TMEM9B: variants seen among roughly 807,000 people sequenced by gnomAD.
The protein encoded by TMEM9B is transmembrane protein 9B.
In TMEM9B, 8 loss-of-function variants were observed where a neutral mutation model predicts 23.5. That is an observed-to-expected ratio of 0.34 (90% CI 0.20 to 0.61). TMEM9B has a LOEUF of 0.61. TMEM9B is among the 20% of genes least tolerant of loss of function. The pLI is 0.78. For synonymous variants in TMEM9B, 106 were observed against 96.3 expected, an observed-to-expected ratio of 1.10 and a Z score of -0.59; for missense variants, 197 against 252.3, an observed-to-expected ratio of 0.78 and a Z score of 1.49.
intron 1 of TMEM9B, 103 bp downstream of exon 1, chr11:8,964,106 G>A (rs1329763118): frequency 8.6e-7 from 1 of 1,166,724 alleles, no homozygotes; most frequent in Non-Finnish European, 1.2e-6. Flanking sequence ...CCAGGCGTAT[G>A]GCTGTCAGGA....
chr11:8,962,058 A>T (rs1257919136), intron 2 of TMEM9B, 34 bp downstream of exon 2: 1 of 1,342,996 alleles, frequency 7.4e-7, no homozygotes, highest in Non-Finnish European at 1.0e-6. Context: ...ACAGAAACAA[A>T]TGTGACAGGT....
chr11:8,956,146 T>TAGAC (rs772003556), intron 3 of TMEM9B, 44 bp downstream of exon 3: 15 of 1,573,414 alleles, frequency 9.5e-6, no homozygotes, highest in Non-Finnish European at 1.1e-5. Flanking sequence ...AGAAAAGACG[T>TAGAC]AGACAGACAG....
At chr11:8,956,147 A>T in intron 3 of TMEM9B, 43 bp downstream of exon 3, 1 of 1,561,400 alleles carries the variant, frequency 6.4e-7, no homozygotes, top group East Asian at 2.2e-5. Flanking sequence ...GAAAAGACGT[A>T]GACAGACAGA....
intron 3 of TMEM9B, among the ~76,000 whole-genome samples, chr11:8,954,393 A>T (rs1373721486): frequency 1.3e-5 from 2 of 151,888 alleles, no homozygotes; most frequent in East Asian, 3.9e-4. Flanking sequence ...GGATCAAGTG[A>T]TTCTCATGCC....
At position 8,948,232 on chromosome 11, in the gene TMEM9B, G is replaced by C. The variant is rs1202712456; in HGVS notation, c.*88C>G. 2 of 1,449,946 alleles carry C rather than the reference G, an allele frequency of 1.4e-6. No individual in the cohort carries two copies. The highest frequency in any genetic ancestry group is 1.9e-6 in the Non-Finnish European group (2 of 1,078,270). 89.8% of individuals were successfully genotyped at this position (1,449,946 alleles called of 1,614,324 possible). A position where few individuals can be genotyped will look rare whatever the true frequency, so the allele number is the denominator to read the frequency against. On this transcript the variant is annotated 3_prime_UTR_variant, in exon 5 of 5. Transcript: ENST00000534025. ...CAGCAACAGTTGGTGAAATCAACAA[G>C]GTATTAAAATGAAACCCAGCAAAAC... is the stretch of plus-strand genomic sequence containing the variant.
At chr11:8,958,159 CAAAA>C (rs33947563) in intron 2 of TMEM9B, among the ~76,000 whole-genome samples, 35 of 57,348 alleles carry the variant, frequency 6.1e-4, no homozygotes, top group East Asian at 1.1e-3. Context: ...AACTCCGTCT[CAAAA>C]AAAAAAAAAA....
At chr11:8,964,072 C>CG (rs1379005591) in intron 1 of TMEM9B, 137 bp downstream of exon 1, 1 of 838,462 alleles carries the variant, frequency 1.2e-6, no homozygotes, top group Non-Finnish European at 1.8e-6. Context: ...CTGGTGGCGG[C>CG]GGGGGTCTGC....
intron 3 of TMEM9B, among the ~76,000 whole-genome samples, chr11:8,955,472 G>C (rs1425749044): frequency 6.6e-6 from 1 of 152,054 alleles, no homozygotes; most frequent in Admixed American, 6.6e-5. Flanking sequence ...CCCTGAGCTT[G>C]TTTTCCTGCA....
chr11:8,952,281 C>CA (rs1555228012), intron 4 of TMEM9B, among the ~76,000 whole-genome samples: 5,531 of 147,490 alleles, frequency 0.038, 188 homozygotes, highest in Admixed American at 0.073. Flanking sequence ...CACACACACG[C>CA]TATATATATA....
upstream of TMEM9B, chr11:8,964,453 G>A: frequency 2.1e-6 from 3 of 1,422,542 alleles, no homozygotes; most frequent in Non-Finnish European, 2.7e-6. Context: ...GGACGCGAAG[G>A]CGTCACCGGG....
At chr11:8,951,180 T>C (rs1312287948) in intron 4 of TMEM9B, among the ~76,000 whole-genome samples, 1 of 152,228 alleles carries the variant, frequency 6.6e-6, no homozygotes, top group African/African-American at 2.4e-5. Flanking sequence ...TTATGTTTTG[T>C]GTTATTATAT....
At chr11:8,952,153 T>G (rs537802933) in intron 4 of TMEM9B, among the ~76,000 whole-genome samples, 6 of 151,810 alleles carry the variant, frequency 4.0e-5, no homozygotes, top group Non-Finnish European at 7.4e-5. Context: ...AAAAACAGAT[T>G]TGTGGACTAA....
intron 4 of TMEM9B, among the ~76,000 whole-genome samples, chr11:8,951,619 G>A (rs1256358425): frequency 2.6e-5 from 4 of 151,468 alleles, no homozygotes; most frequent in Admixed American, 6.6e-5. Context: ...TTAGCCGGGC[G>A]CGATGGCGGG....
At chr11:8,961,834 G>A (rs1194740596) in intron 2 of TMEM9B, among the ~76,000 whole-genome samples, 1 of 152,172 alleles carries the variant, frequency 6.6e-6, no homozygotes, top group Middle Eastern at 3.2e-3. Context: ...GGGTAGTTTA[G>A]GTGCCACAAA....
At chr11:8,959,738 G>GA (rs1356201780) in intron 2 of TMEM9B, among the ~76,000 whole-genome samples, 1 of 152,072 alleles carries the variant, frequency 6.6e-6, no homozygotes, top group Non-Finnish European at 1.5e-5. Context: ...ACCACTTAAG[G>GA]AACTAGGCAA....
intron 2 of TMEM9B, among the ~76,000 whole-genome samples, chr11:8,958,146 C>A (rs1487935285): frequency 3.5e-5 from 3 of 86,652 alleles, no homozygotes; most frequent in African/African-American, 1.5e-4. Context: ...GCAATGACAG[C>A]GAAACTCCGT....
At position 8,959,366 on chromosome 11, in the gene TMEM9B, A is replaced by C. The variant is rs145837777; in HGVS notation, c.197+2726T>G. On this transcript the variant is annotated intron_variant, in intron 2 of 4. Coordinates refer to ENST00000534025, the MANE Select transcript of TMEM9B (RefSeq NM_020644.3). The stretch of plus-strand genomic sequence containing the variant: ...GGCTGGAGGACCACTGGAGCCTAGG[A>C]GATCAAGGCTGCAATGAGCTATGAT... Among the ~76,000 whole-genome samples the C allele has an allele frequency of 2.9e-3, 448 of 152,312 alleles. 1 individual carries two copies. The highest frequency in any genetic ancestry group is 0.01 in the African/African-American group (420 of 41,574).
At chr11:8,958,200 C>G (rs1308514882) in intron 2 of TMEM9B, among the ~76,000 whole-genome samples, 2 of 139,556 alleles carry the variant, frequency 1.4e-5, no homozygotes, top group African/African-American at 5.4e-5. Flanking sequence ...TGGTGGCTCA[C>G]GCCTGTAATC....
At chr11:8,952,284 T>C (rs1853897928) in intron 4 of TMEM9B, among the ~76,000 whole-genome samples, 1 of 24,656 alleles carries the variant, frequency 4.1e-5, no homozygotes, top group African/African-American at 1.1e-4. Context: ...ACACACGCTA[T>C]ATATATATAT....
Sources: allele counts gnomAD v4.1 joint callset (sites outside exome capture counted in the v4.1 genomes callset), GRCh38; gene constraint gnomAD v4.1.1; transcripts MANE v1.5; gene names NCBI Gene and HGNC (gene_info 2026-07-23, HGNC 2026-07-21).